GSK3B: variants seen among roughly 807,000 people sequenced by gnomAD.
GSK3B encodes the protein glycogen synthase kinase 3 beta.
A neutral mutation model predicts 56.4 loss-of-function variants in GSK3B; 15 were observed. The ratio of observed to expected loss-of-function variants is 0.27; its 90% CI spans 0.18 to 0.41. The LOEUF (loss-of-function observed/expected upper bound fraction) is 0.41, where lower values mean the gene tolerates loss of function less well. Ranked by LOEUF, GSK3B falls within the 10% of genes least tolerant of loss-of-function variation. The pLI is 1.00. For synonymous variants in GSK3B, 181 were observed against 188.9 expected (o/e 0.96, Z 0.34); for missense variants, 300 against 513.4 (o/e 0.58, Z 4.02).
At chr3:119,930,677 T>C (rs777919578) in intron 3 of GSK3B, among the ~76,000 whole-genome samples, 2 of 152,174 alleles carry the variant, frequency 1.3e-5, no homozygotes, top group Admixed American at 1.3e-4. Flanking sequence ...CAGATCAAAC[T>C]TGACAGTAAT....
intron 9 of GSK3B, among the ~76,000 whole-genome samples, chr3:119,846,942 A>C (rs1024300884): frequency 2.0e-5 from 3 of 152,232 alleles, no homozygotes; most frequent in Non-Finnish European, 4.4e-5. Flanking sequence ...TACATCACAG[A>C]ATATTATGCA....
chr3:119,978,529 G>A (rs1234497993), intron 2 of GSK3B, among the ~76,000 whole-genome samples: 1 of 152,174 alleles, frequency 6.6e-6, no homozygotes, highest in African/African-American at 2.4e-5. Flanking sequence ...AACCCGGGAT[G>A]AGTGCTGGGG....
chr3:120,011,104 A>G (rs566308578), intron 1 of GSK3B, among the ~76,000 whole-genome samples: 1 of 152,284 alleles, frequency 6.6e-6, no homozygotes, highest in South Asian at 2.1e-4. Context: ...GTACTCCACA[A>G]TTTTAATTAA....
At chr3:119,846,884 C>T (rs2055863442) in intron 9 of GSK3B, among the ~76,000 whole-genome samples, 1 of 152,148 alleles carries the variant, frequency 6.6e-6, no homozygotes. Flanking sequence ...TTGGAACCAA[C>T]CCAAATGCCC....
At chr3:119,942,672 C>A (rs2057061602) in intron 3 of GSK3B, among the ~76,000 whole-genome samples, 1 of 152,144 alleles carries the variant, frequency 6.6e-6, no homozygotes, top group Non-Finnish European at 1.5e-5. Flanking sequence ...TCTGATCCCA[C>A]ACCTTAGCTT....
rs550865548 is a variant in GSK3B, at chr3:120,006,131, T to C, written c.89-3892A>G. On this transcript the variant is annotated intron_variant, in intron 1 of 10. Transcript: ENST00000264235. ...AAAAAAATCCTGGTCTCTGATAAAA[T>C]AGACTTTAAACCAACGAAGATCAAA... Among the ~76,000 whole-genome samples the C allele has an allele frequency of 2.7e-3, 417 of 152,082 alleles. 1 individual carries two copies. Among genetic ancestry groups the C allele is most frequent in the African/African-American group, 9.5e-3 (396 of 41,488 alleles).
intron 3 of GSK3B, among the ~76,000 whole-genome samples, chr3:119,931,455 A>C (rs909538480): frequency 6.6e-6 from 1 of 152,092 alleles, no homozygotes; most frequent in Non-Finnish European, 1.5e-5. Context: ...GTCTCTACCA[A>C]AAATACAAAA....
intron 7 of GSK3B, among the ~76,000 whole-genome samples, chr3:119,884,390 TGA>T (rs888754407): frequency 6.6e-6 from 1 of 151,952 alleles, no homozygotes; most frequent in African/African-American, 2.4e-5. Context: ...GTACTGCCAG[TGA>T]GAGAGAGAGG....
chr3:119,999,211 T>C lies in GSK3B; in HGVS notation c.282+2835A>G, dbSNP rs1300400883. On this transcript the variant is annotated intron_variant, in intron 2 of 10. Transcript: ENST00000264235. ...AGAGGGTGTGGTTTAAATATTTTGA[T>C]AGAAAGAGGTTATGACACTGTGAGA... is the stretch of plus-strand genomic sequence containing the variant. Among the ~76,000 whole-genome samples the C allele has an allele frequency of 2.6e-5, 4 of 152,254 alleles. No individual in the cohort carries two copies. In the East Asian group the frequency reaches 5.8e-4, roughly 22 times the overall value.
At chr3:119,927,976 A>G (rs575427993) in intron 3 of GSK3B, among the ~76,000 whole-genome samples, 2 of 152,338 alleles carry the variant, frequency 1.3e-5, no homozygotes, top group African/African-American at 4.8e-5. Flanking sequence ...ATGAGGACTA[A>G]AAAGAGGTTA....
At chr3:120,028,417 A>G (rs555853737) in intron 1 of GSK3B, among the ~76,000 whole-genome samples, 16 of 152,318 alleles carry the variant, frequency 1.1e-4, no homozygotes, top group African/African-American at 3.8e-4. Context: ...AGACTATGCC[A>G]CTAAGGCCAT....
At chr3:119,935,248 C>A (rs1187485129) in intron 3 of GSK3B, among the ~76,000 whole-genome samples, 1 of 151,968 alleles carries the variant, frequency 6.6e-6, no homozygotes, top group African/African-American at 2.4e-5. Flanking sequence ...GGAAGATAGA[C>A]CAAGCGAACT....
At chr3:120,077,561 T>C (rs991755090) in intron 1 of GSK3B, among the ~76,000 whole-genome samples, 2 of 151,972 alleles carry the variant, frequency 1.3e-5, no homozygotes, top group East Asian at 3.9e-4. Context: ...TCAAAAGATC[T>C]AATGTACAAC....
intron 1 of GSK3B, among the ~76,000 whole-genome samples, chr3:120,054,338 C>G (rs1382322026): frequency 1.3e-5 from 2 of 152,158 alleles, no homozygotes; most frequent in Admixed American, 1.3e-4. Flanking sequence ...AGTCAATACT[C>G]ACTGTCTTCC....
At chr3:120,064,031 C>T (rs2058259847) in intron 1 of GSK3B, among the ~76,000 whole-genome samples, 1 of 151,948 alleles carries the variant, frequency 6.6e-6, no homozygotes, top group South Asian at 2.1e-4. Context: ...AGCAATTTAA[C>T]TGTACCTCCC....
chr3:120,091,104 T>C (rs2058508608), intron 1 of GSK3B, among the ~76,000 whole-genome samples: 1 of 152,220 alleles, frequency 6.6e-6, no homozygotes, highest in Non-Finnish European at 1.5e-5. Flanking sequence ...TTTGCCACTC[T>C]GAACAAATGA....
intron 1 of GSK3B, among the ~76,000 whole-genome samples, chr3:120,062,368 A>G (rs1348243063): frequency 6.6e-6 from 1 of 152,192 alleles, no homozygotes; most frequent in Non-Finnish European, 1.5e-5. Context: ...CTCTCACTCC[A>G]TCCTAACTCT....
chr3:119,911,080 G>A (rs1011957103), intron 6 of GSK3B, among the ~76,000 whole-genome samples: 10 of 152,138 alleles, frequency 6.6e-5, no homozygotes, highest in Non-Finnish European at 1.2e-4. Flanking sequence ...ATGTGATTGA[G>A]TCACAAATGT....
chr3:119,967,439 T>C (rs1003869930), intron 2 of GSK3B, among the ~76,000 whole-genome samples: 1 of 152,158 alleles, frequency 6.6e-6, no homozygotes, highest in Non-Finnish European at 1.5e-5. Flanking sequence ...TGGAAATTTG[T>C]GTGCACTCAG....
Sources: gnomAD v4.1 joint callset for allele counts (sites outside exome capture counted in the v4.1 genomes callset) on GRCh38, gnomAD v4.1.1 for gene constraint, MANE v1.5 for transcripts, NCBI Gene and HGNC (gene_info 2026-07-23, HGNC 2026-07-21) for gene names.